PLD1: variants seen among roughly 807,000 people sequenced by gnomAD.
PLD1 encodes phospholipase D1.
A neutral mutation model predicts 137.1 loss-of-function variants in PLD1; 112 were observed. The ratio of observed to expected loss-of-function variants is 0.82; its 90% confidence interval spans 0.70 to 0.96. The LOEUF (loss-of-function observed/expected upper bound fraction) is 0.96. Among genes scored for constraint, PLD1 ranks in the 40% least tolerant of loss-of-function variants. PLD1 has a pLI of 0.00. For synonymous variants in PLD1, 431 were observed against 454.7 expected (o/e 0.95, Z 0.66); for missense variants, 1,321 against 1,342.0 (o/e 0.98, Z 0.24).
chr3:171,601,285 G>A lies in PLD1; in HGVS notation c.*1793C>T, dbSNP rs970566101. On this transcript the variant is annotated 3_prime_UTR_variant, in exon 27 of 27. Coordinates refer to ENST00000351298, the MANE Select transcript of PLD1 (RefSeq NM_002662.5). ...CAGGCTTTTTTCATGAGAGTAGGGT[G>A]CTGAAAATCAAGAGCCAGTTTGTTG... 9 of 152,078 alleles carry A rather than the reference G, an allele frequency of 5.9e-5. No homozygotes were observed. The highest frequency in any genetic ancestry group is 2.2e-4 in the African/African-American group (9 of 41,398). 9.4% of individuals were successfully genotyped at this position (152,078 alleles called of 1,614,324 possible).
At chr3:171,670,826 A>C (rs1203126756) in intron 19 of PLD1, among the ~76,000 whole-genome samples, 1 of 152,228 alleles carries the variant, frequency 6.6e-6, no homozygotes, top group East Asian at 1.9e-4. Flanking sequence ...ATTTCTATTT[A>C]GTGATAAGTG....
chr3:171,779,978 T>C, intron 1 of PLD1, among the ~76,000 whole-genome samples: 1 of 151,902 alleles, frequency 6.6e-6, no homozygotes, highest in African/African-American at 2.4e-5. Context: ...AAGTCTGAGA[T>C]TCAGGCCTGG....
chr3:171,622,185 T>G (rs1263978479), intron 23 of PLD1, among the ~76,000 whole-genome samples: 1 of 152,166 alleles, frequency 6.6e-6, no homozygotes, highest in Non-Finnish European at 1.5e-5. Flanking sequence ...AAGTAAATAT[T>G]TTTTTACAGT....
In PLD1 at chr3:171,745,781, C is replaced by T. The variant is rs549709412; in HGVS notation, c.-31-7699G>A. The stretch of plus-strand genomic sequence containing the variant: ...GCACCTCCTCAGGCCATGGCGTCCA[C>T]GCTGGCTGCGCTTGAGGAGCCCTTC... On this transcript the variant is annotated intron_variant, in intron 1 of 26. Coordinates refer to ENST00000351298, the MANE Select transcript of PLD1 (RefSeq NM_002662.5). 4.5e-4 allele frequency among the ~76,000 whole-genome samples: 69 copies of T among 152,322 alleles called. 1 individual carries two copies. The highest frequency in any genetic ancestry group is 6.8e-3 in the Middle Eastern group (2 of 294).
At chr3:171,792,866 G>A in intron 1 of PLD1, 1 of 363,362 alleles carries the variant, frequency 2.8e-6, no homozygotes, top group South Asian at 2.1e-5. Flanking sequence ...CTGAGGTGGA[G>A]CCTCACACAC....
chr3:171,611,472 G>T, intron 25 of PLD1: 1 of 413,030 alleles, frequency 2.4e-6, no homozygotes, highest in South Asian at 1.8e-5. Context: ...GCCCTTGAAA[G>T]TTCTAAATAA....
At chr3:171,644,772 C>G in intron 22 of PLD1, 138 bp downstream of exon 22, 1 of 627,312 alleles carries the variant, frequency 1.6e-6, no homozygotes, top group Non-Finnish European at 2.9e-6. Context: ...GCAAACGGGC[C>G]AAGATTTGAA....
intron 25 of PLD1, among the ~76,000 whole-genome samples, chr3:171,611,217 A>C (rs916958415): frequency 3.9e-5 from 6 of 152,176 alleles, no homozygotes; most frequent in Non-Finnish European, 8.8e-5. Flanking sequence ...GAATCATAAA[A>C]CTGTGGACTT....
At chr3:171,630,983 G>C (rs922007331) in intron 23 of PLD1, among the ~76,000 whole-genome samples, 1 of 151,560 alleles carries the variant, frequency 6.6e-6, no homozygotes, top group African/African-American at 2.4e-5. Flanking sequence ...CCTGCACATT[G>C]TGCACATGTA....
At chr3:171,654,864 G>C (rs1158918455) in intron 21 of PLD1, among the ~76,000 whole-genome samples, 1 of 152,056 alleles carries the variant, frequency 6.6e-6, no homozygotes. Flanking sequence ...TGAGTCTGAG[G>C]CTCTAGGTCA....
At chr3:171,636,154 C>CT (rs1212801126) in intron 23 of PLD1, among the ~76,000 whole-genome samples, 2 of 151,628 alleles carry the variant, frequency 1.3e-5, no homozygotes, top group Non-Finnish European at 2.9e-5. Flanking sequence ...GTAAGTCTAA[C>CT]TTTATGTCAG....
intron 19 of PLD1, among the ~76,000 whole-genome samples, chr3:171,663,289 C>T (rs186548691): frequency 3.3e-5 from 5 of 152,334 alleles, no homozygotes; most frequent in Admixed American, 6.5e-5. Context: ...AGCTTCTTCT[C>T]GCTCAGACAC....
intron 23 of PLD1, among the ~76,000 whole-genome samples, chr3:171,639,906 C>T (rs1304558118): frequency 1.4e-5 from 2 of 143,512 alleles, no homozygotes; most frequent in Non-Finnish European, 3.0e-5. Context: ...CTGACTAATA[C>T]AATGTCTTTA....
intron 23 of PLD1, among the ~76,000 whole-genome samples, chr3:171,622,743 C>G (rs1733746440): frequency 6.6e-6 from 1 of 150,654 alleles, no homozygotes; most frequent in South Asian, 2.1e-4. Context: ...TAAGAGAAAT[C>G]ATATAAAAAG....
In PLD1 at chr3:171,688,683, G is replaced by A; in HGVS notation, c.1532C>T (p.Ser511Phe). The change falls in exon 14 of 27, where the codon TCC (serine) becomes TTC (phenylalanine). Residue 511 changes from serine (S) to phenylalanine (F), a missense_variant. By Grantham distance (155) the Ser-to-Phe change is radical (BLOSUM62 -2). Coordinates refer to ENST00000351298, the MANE Select transcript of PLD1 (RefSeq NM_002662.5). Reference protein sequence around the residue: ...KRVTSGPSLGSLPPAAMESME... With the variant: ...KRVTSGPSLGFLPPAAMESME... ...AAGGTTAAATATACTTACTGGGAGG[G>A]AACCCAGAGACGGTCCTGAAGTGAC... is the stretch of plus-strand genomic sequence containing the variant. 8 of 1,611,642 alleles carry A rather than the reference G, an allele frequency of 5.0e-6. No individual in the cohort carries two copies. The highest frequency in any genetic ancestry group is 6.8e-6 in the Non-Finnish European group (8 of 1,177,760).
rs761679464 is a variant in PLD1 at position 171,612,432 on chromosome 3, C to G, written c.2729G>C (p.Gly910Ala). The change falls in exon 25 of 27, where the codon GGC becomes GCC. Residue 910 changes from glycine to alanine, a missense_variant and splice_region_variant. Gly to Ala is a moderately conservative substitution (Grantham distance 60). Transcript: ENST00000351298. This position sits in a 1 kb window ranked among gnomAD's most constrained non-coding sequence, Gnocchi z 4.1. ...GCTGCGGTCATTTATGTTGGCAGAG[C>G]CTGTAAGGAGAAACAGTGAGGCTGA... The part of the protein sequence containing the change: ...LIADDNTVII[G>A]SANINDRSML... The G allele has an allele frequency of 3.1e-6, 5 of 1,613,682 alleles. No homozygotes were observed. Among genetic ancestry groups the G allele is most frequent in the Admixed American group, 3.3e-5 (2 of 60,010 alleles).
intron 8 of PLD1, among the ~76,000 whole-genome samples, chr3:171,720,468 G>A (rs1397065147): frequency 3.3e-5 from 5 of 151,756 alleles, no homozygotes; most frequent in Non-Finnish European, 5.9e-5. Context: ...TGTAGTCCCA[G>A]CTACTCGGAG....
intron 25 of PLD1, among the ~76,000 whole-genome samples, chr3:171,611,838 G>A (rs1291980015): frequency 6.6e-6 from 1 of 152,164 alleles, no homozygotes; most frequent in Non-Finnish European, 1.5e-5. Flanking sequence ...CCAGTGCTTT[G>A]AGAGGCCAAG....
At chr3:171,677,812 G>T in intron 16 of PLD1, 118 bp from the exon 17 acceptor site, 1 of 974,968 alleles carries the variant, frequency 1.0e-6, no homozygotes, top group Non-Finnish European at 1.5e-6. Context: ...ACACAACTAG[G>T]GTGGCATCTG....
Sources: gnomAD v4.1 joint callset for allele counts (sites outside exome capture counted in the v4.1 genomes callset) on GRCh38, gnomAD v4.1.1 for gene constraint, Gnocchi (gnomAD v3.1) non-coding constraint, MANE v1.5 for transcripts, NCBI Gene and HGNC (gene_info 2026-07-23, HGNC 2026-07-21) for gene names.